The following C18orf54 variants were observed in gnomAD, a reference collection of about 807,000 sequenced individuals.
C18orf54 encodes the protein lung adenoma susceptibility protein 2.
A neutral mutation model predicts 49.3 loss-of-function variants in C18orf54; 49 were observed. That is an observed-to-expected ratio of 0.99 (90% confidence interval 0.79 to 1.26). The LOEUF is 1.26. C18orf54 is among the 50% of genes most tolerant of loss of function. The pLI, the probability that C18orf54 is intolerant of heterozygous loss-of-function variation, is 0.00. For missense variants in C18orf54, 687 were observed against 620.6 expected (o/e 1.11, Z -1.14); for synonymous variants, 211 against 216.6 (o/e 0.97, Z 0.23).
At chr18:54,376,187 G>T (rs2089566957) in intron 8 of C18orf54, among the ~76,000 whole-genome samples, 1 of 152,058 alleles carries the variant, frequency 6.6e-6, no homozygotes, top group South Asian at 2.1e-4. Context: ...TAATAATTTG[G>T]ATGGCTATCC....
intron 6 of C18orf54, among the ~76,000 whole-genome samples, chr18:54,370,720 A>G (rs1568188516): frequency 6.6e-6 from 1 of 152,216 alleles, no homozygotes; most frequent in Non-Finnish European, 1.5e-5. Context: ...TATGTTTTCT[A>G]GTTTTCTGTC....
intron 7 of C18orf54, among the ~76,000 whole-genome samples, chr18:54,372,883 G>A (rs1335237292): frequency 3.3e-5 from 5 of 151,878 alleles, no homozygotes; most frequent in Non-Finnish European, 5.9e-5. Flanking sequence ...AGGGTTGTAA[G>A]AGTTTTGTAA....
intron 6 of C18orf54, among the ~76,000 whole-genome samples, chr18:54,369,306 C>G (rs1315523628): frequency 6.6e-6 from 1 of 151,954 alleles, no homozygotes; most frequent in Non-Finnish European, 1.5e-5. Flanking sequence ...TTTTCCCATT[C>G]CCTATTTGTA....
At position 54,379,000 on chromosome 18, in the gene C18orf54, C is replaced by G. The variant is rs912072282; in HGVS notation, c.*754C>G. 2 of 151,926 alleles carry G rather than the reference C, an allele frequency of 1.3e-5. No homozygotes were observed. Among genetic ancestry groups the G allele is most frequent in the African/African-American group, 2.4e-5 (1 of 41,390 alleles). The allele number at this position is 151,926 out of a possible 1,614,324, so 9.4% of individuals were successfully genotyped here. On this transcript the variant is annotated 3_prime_UTR_variant, in exon 9 of 9. Coordinates refer to ENST00000620105, the MANE Select transcript of C18orf54 (RefSeq NM_001288980.2). The stretch of plus-strand genomic sequence containing the variant: ...TCCCAGATTTTAATTTTGGGGTTGG[C>G]TCAAACTAGTGAAAACTATGACTCA...
intron 8 of C18orf54, among the ~76,000 whole-genome samples, chr18:54,376,332 G>A (rs2089569189): frequency 6.6e-6 from 1 of 152,192 alleles, no homozygotes; most frequent in South Asian, 2.1e-4. Flanking sequence ...CATTGGAGCT[G>A]GGATTACAGG....
At position 54,380,841 on chromosome 18, in the gene C18orf54, G is replaced by A. The variant is rs2089657150; in HGVS notation, c.*2595G>A. The stretch of plus-strand genomic sequence containing the variant: ...ATTGCTCCTGTAGATTTGAATTTTT[G>A]TTTCATTTTTTTCTGTCCCACCCTT... On this transcript the variant is annotated 3_prime_UTR_variant, in exon 9 of 9. Coordinates refer to ENST00000620105, the MANE Select transcript of C18orf54 (RefSeq NM_001288980.2). 1 of 151,996 alleles carries A rather than the reference G, an allele frequency of 6.6e-6. No individual in the cohort carries two copies. Among genetic ancestry groups the A allele is most frequent in the Admixed American group, 6.6e-5 (1 of 15,238 alleles). The allele number at this position is 151,996 out of a possible 1,614,324, so 9.4% of individuals were successfully genotyped here.
At chr18:54,358,463 A>T (rs1448807794) in intron 1 of C18orf54, 1 of 152,418 alleles carries the variant, frequency 6.6e-6, no homozygotes, top group African/African-American at 2.4e-5. Context: ...CGGAGTGAAA[A>T]GCATCTCACT....
chr18:54,362,532 G>T, intron 4 of C18orf54, 101 bp downstream of exon 4: 1 of 1,071,384 alleles, frequency 9.3e-7, no homozygotes, highest in Non-Finnish European at 1.3e-6. Context: ...TTTATGTTTT[G>T]TTTTCATGTA....
At chr18:54,374,341 T>G (rs2089536464) in intron 8 of C18orf54, 57 bp downstream of exon 8, 4 of 1,498,162 alleles carry the variant, frequency 2.7e-6, no homozygotes, top group Non-Finnish European at 3.6e-6. Context: ...CTTTGACATA[T>G]GTAAAGTTAC....
intron 3 of C18orf54, among the ~76,000 whole-genome samples, chr18:54,361,299 A>G (rs2089264621): frequency 6.6e-6 from 1 of 152,082 alleles, no homozygotes; most frequent in Non-Finnish European, 1.5e-5. Context: ...TTAATAGCAT[A>G]TTTTTTTCTA....
intron 6 of C18orf54, among the ~76,000 whole-genome samples, chr18:54,371,565 A>C (rs773664664): frequency 1.9e-4 from 29 of 152,080 alleles, no homozygotes; most frequent in Non-Finnish European, 3.2e-4. Flanking sequence ...TGGAATTCCT[A>C]TACTGTTTTC....
At chr18:54,369,204 A>G (rs900857956) in intron 6 of C18orf54, among the ~76,000 whole-genome samples, 3 of 152,178 alleles carry the variant, frequency 2.0e-5, no homozygotes, top group African/African-American at 4.8e-5. Context: ...ATATATGTGT[A>G]TATGTGTTTA....
At chr18:54,370,736 T>C (rs2089471382) in intron 6 of C18orf54, among the ~76,000 whole-genome samples, 1 of 152,198 alleles carries the variant, frequency 6.6e-6, no homozygotes, top group African/African-American at 2.4e-5. Flanking sequence ...CTGTCTTCTT[T>C]TGATACTCTG....
rs1308812388 is a variant in C18orf54, at chr18:54,372,735, T to A, written c.1458+138T>A. 2.7e-5 allele frequency: 20 copies of A among 753,256 alleles called. No individual in the cohort carries two copies. The East Asian group carries it at 5.7e-4, about 21-fold the overall frequency. The allele number at this position is 753,256 out of a possible 1,614,324, so 46.7% of individuals were successfully genotyped here. On this transcript the variant is annotated intron_variant, in intron 7 of 8. Coordinates refer to ENST00000620105, the MANE Select transcript of C18orf54 (RefSeq NM_001288980.2). ...CACATGTTGTAAGTGGCAGTAGTTT[T>A]TTTTTGTTAGGAAGTAATGTACTCA...
chr18:54,380,515 G>A lies in C18orf54; in HGVS notation c.*2269G>A, dbSNP rs2089649686. 1 of 152,036 alleles carries A rather than the reference G, an allele frequency of 6.6e-6. No homozygotes were observed. Among genetic ancestry groups the A allele is most frequent in the Non-Finnish European group, 1.5e-5 (1 of 67,920 alleles). The allele number at this position is 152,036 out of a possible 1,614,324, so 9.4% of individuals were successfully genotyped here. A position where few individuals can be genotyped will look rare whatever the true frequency, so the allele number is the denominator to read the frequency against. ...GTGACCAATATGAAGGGTCAAGACT[G>A]AAATGTATTGTCTTTACTATCAAGA... On this transcript the variant is annotated 3_prime_UTR_variant, in exon 9 of 9. Coordinates refer to ENST00000620105, the MANE Select transcript of C18orf54 (RefSeq NM_001288980.2).
At position 54,378,995 on chromosome 18, in the gene C18orf54, G is replaced by T. The variant is rs1026552689; in HGVS notation, c.*749G>T. 2.0e-5 allele frequency: 3 copies of T among 152,020 alleles called. No individual in the cohort carries two copies. The highest frequency in any genetic ancestry group is 7.2e-5 in the African/African-American group (3 of 41,430). The allele number at this position is 152,020 out of a possible 1,614,324, so 9.4% of individuals were successfully genotyped here. ...TTGTTTCCCAGATTTTAATTTTGGG[G>T]TTGGCTCAAACTAGTGAAAACTATG... On this transcript the variant is annotated 3_prime_UTR_variant, in exon 9 of 9. Transcript: ENST00000620105.
intron 3 of C18orf54, 105 bp downstream of exon 3, chr18:54,360,960 AAAAAT>A: frequency 9.0e-7 from 1 of 1,105,094 alleles, no homozygotes; most frequent in Non-Finnish European, 1.3e-6. Context: ...ACTTTGGAGT[AAAAAT>A]AACATAATAT....
rs2089299620 is a variant in C18orf54 at position 54,362,830 on chromosome 18, G to T, written c.1132G>T (p.Glu378Ter). ...AKRNLEQCTE[E>*]LPKSMKKDDS... ...GAGAAATCTAGAGCAGTGTACTGAA[G>T]AATTACCAAAGTCCATGAAAAAGGA... The change falls in exon 5 of 9, where the codon GAA becomes TAA. Residue 378 changes from glutamate (E) to a stop codon, truncating the protein, a stop_gained. Coordinates refer to ENST00000620105, the MANE Select transcript of C18orf54 (RefSeq NM_001288980.2). LOFTEE classifies it high-confidence loss of function. 1 of 1,612,390 alleles carries T rather than the reference G, an allele frequency of 6.2e-7. No homozygotes were observed. Among genetic ancestry groups the T allele is most frequent in the African/African-American group, 1.3e-5 (1 of 74,986 alleles).
chr18:54,370,612 G>A (rs538976261), intron 6 of C18orf54, among the ~76,000 whole-genome samples: 1 of 152,290 alleles, frequency 6.6e-6, no homozygotes, highest in African/African-American at 2.4e-5. Context: ...TGTACCCGGA[G>A]ACATTTACTA....
Sources: gnomAD v4.1 joint callset for allele counts (sites outside exome capture counted in the v4.1 genomes callset) on GRCh38, gnomAD v4.1.1 for gene constraint, MANE v1.5 for transcripts, NCBI Gene and HGNC (gene_info 2026-07-23, HGNC 2026-07-21) for gene names.